Variants in KAZN observed in about 807,000 individuals in gnomAD.
The protein encoded by KAZN is kazrin.
KAZN carries 40 observed loss-of-function variants against 87.4 expected under a neutral mutation model. That is an observed-to-expected ratio of 0.46 (90% confidence interval 0.36 to 0.60). KAZN has a LOEUF of 0.60. KAZN is among the 20% of genes least tolerant of loss of function. KAZN has a pLI of 0.00. For missense variants in KAZN, 898 were observed against 1,073.9 expected (o/e 0.84, Z 2.29); for synonymous variants, 466 against 458.3 (o/e 1.02, Z -0.22).
At chr1:14,395,175 A>G (rs1571511418) in intron 2 of KAZN, among the ~76,000 whole-genome samples, 1 of 144,314 alleles carries the variant, frequency 6.9e-6, no homozygotes, top group African/African-American at 2.5e-5. Context: ...GTAAAAGAAA[A>G]GGAAGAAAAG....
chr1:15,000,074 T>C (rs1208234703), intron 2 of KAZN, among the ~76,000 whole-genome samples: 1 of 152,130 alleles, frequency 6.6e-6, no homozygotes, highest in Non-Finnish European at 1.5e-5. Context: ...ATCTGGATTG[T>C]CTGGGTGGGC....
intron 2 of KAZN, among the ~76,000 whole-genome samples, chr1:14,355,655 G>A (rs1162406253): frequency 6.6e-6 from 1 of 151,902 alleles, no homozygotes; most frequent in African/African-American, 2.4e-5. Flanking sequence ...TGTTCAACTC[G>A]CACTTATGAG....
chr1:14,152,688 C>T (rs963082472), intron 1 of KAZN, among the ~76,000 whole-genome samples: 3 of 152,142 alleles, frequency 2.0e-5, no homozygotes, highest in Non-Finnish European at 4.4e-5. Context: ...AGATTTCCTT[C>T]CTTTTGGGTA....
chr1:14,505,480 G>A (rs1472562084), intron 2 of KAZN, among the ~76,000 whole-genome samples: 1 of 152,140 alleles, frequency 6.6e-6, no homozygotes, highest in Non-Finnish European at 1.5e-5. Context: ...AAGTTCACTA[G>A]GGTTGAAGAC....
intron 2 of KAZN, among the ~76,000 whole-genome samples, chr1:14,206,702 CT>C (rs70997123): frequency 2.8e-5 from 4 of 144,862 alleles, no homozygotes; most frequent in Admixed American, 6.8e-5. Flanking sequence ...TGAGCATTTT[CT>C]TTTTTTTTTT....
intron 1 of KAZN, among the ~76,000 whole-genome samples, chr1:14,000,254 C>G (rs1639724287): frequency 6.6e-6 from 1 of 152,126 alleles, no homozygotes; most frequent in Non-Finnish European, 1.5e-5. Context: ...AAAAAGAAAA[C>G]TTCAGGCCAA....
chr1:13,959,127 C>A (rs370396300), intron 1 of KAZN, among the ~76,000 whole-genome samples: 6 of 152,174 alleles, frequency 3.9e-5, no homozygotes, highest in African/African-American at 1.4e-4. Flanking sequence ...CTAGAAGCCC[C>A]TGGGAGGTGA....
At chr1:14,217,496 T>C (rs182143193) in intron 2 of KAZN, among the ~76,000 whole-genome samples, 10 of 151,892 alleles carry the variant, frequency 6.6e-5, no homozygotes, top group African/African-American at 2.4e-4. Context: ...TGAAGTTATA[T>C]CACTCAGAAA....
intron 2 of KAZN, among the ~76,000 whole-genome samples, chr1:15,002,774 G>A (rs140393227): frequency 1.1e-3 from 170 of 152,004 alleles, no homozygotes; most frequent in African/African-American, 3.7e-3. Context: ...TCAGGAGTTC[G>A]AGACCAGCCT....
At chr1:14,180,470 T>C (rs1557541780) in exon 2 of KAZN, 1 of 1,550,372 alleles carries the variant, frequency 6.5e-7, no homozygotes, top group Admixed American at 2.0e-5. Flanking sequence ...TGACCAGATT[T>C]CCCATTTTAT....
At chr1:14,332,054 A>G (rs1199449781) in intron 2 of KAZN, among the ~76,000 whole-genome samples, 3 of 152,196 alleles carry the variant, frequency 2.0e-5, no homozygotes, top group African/African-American at 7.2e-5. Context: ...TGCAGGCCAC[A>G]TATAGTCTCC....
intron 1 of KAZN, among the ~76,000 whole-genome samples, chr1:13,927,626 C>T (rs776036026): frequency 6.6e-6 from 1 of 151,290 alleles, no homozygotes; most frequent in Non-Finnish European, 1.5e-5. Flanking sequence ...GGTGGAGGAT[C>T]TCTTTTGAGC....
At chr1:14,801,667 TTTTTTTTGTTTTTTTTG>T (rs1194737197) in intron 1 of KAZN, among the ~76,000 whole-genome samples, 3 of 147,322 alleles carry the variant, frequency 2.0e-5, no homozygotes, top group African/African-American at 5.1e-5. Flanking sequence ...TCTCCTAAAG[TTTTTTTTGTTTTTTTTG>T]TTTTTTTGTT....
intron 1 of KAZN, among the ~76,000 whole-genome samples, chr1:14,682,781 T>C (rs543208352): frequency 6.6e-6 from 1 of 152,212 alleles, no homozygotes; most frequent in Non-Finnish European, 1.5e-5. Flanking sequence ...CTCATGACAC[T>C]CTAGACCCAG....
intron 2 of KAZN, among the ~76,000 whole-genome samples, chr1:14,182,894 T>C (rs529962846): frequency 5.3e-5 from 8 of 152,302 alleles, no homozygotes; most frequent in Admixed American, 1.3e-4. Flanking sequence ...CATTTTGTGA[T>C]ATTAATAGGC....
At chr1:14,149,053 G>T (rs1645413005) in intron 1 of KAZN, among the ~76,000 whole-genome samples, 1 of 106,078 alleles carries the variant, frequency 9.4e-6, no homozygotes, top group East Asian at 2.2e-4. Flanking sequence ...CTGCCTGCCT[G>T]CCTTCCTGCC....
intron 1 of KAZN, among the ~76,000 whole-genome samples, chr1:14,676,920 T>C (rs1416537327): frequency 2.0e-5 from 3 of 152,130 alleles, no homozygotes; most frequent in African/African-American, 4.8e-5. Context: ...AACCACTGAA[T>C]TGTATACTTT....
chr1:14,382,045 G>C (rs1042759985), intron 2 of KAZN, among the ~76,000 whole-genome samples: 9 of 152,100 alleles, frequency 5.9e-5, no homozygotes, highest in Non-Finnish European at 1.5e-5. Context: ...TGAACAATCT[G>C]AAAACGAAAT....
intron 2 of KAZN, among the ~76,000 whole-genome samples, chr1:14,989,653 C>T (rs887791474): frequency 1.3e-5 from 2 of 152,124 alleles, no homozygotes; most frequent in Non-Finnish European, 2.9e-5. Flanking sequence ...CTCTGTGACT[C>T]AGTTGGTTCA....
Sources: allele counts gnomAD v4.1 joint callset (sites outside exome capture counted in the v4.1 genomes callset), GRCh38; gene constraint gnomAD v4.1.1; transcripts MANE v1.5; gene names NCBI Gene and HGNC (gene_info 2026-07-23, HGNC 2026-07-21).